The following COL8A1 variants were observed in gnomAD, a reference collection of about 807,000 sequenced individuals.
COL8A1 encodes collagen alpha-1(VIII) chain.
In COL8A1, 21 loss-of-function variants were observed where a neutral mutation model predicts 42.7. The observed-to-expected ratio is 0.49, with a 90% CI of 0.35 to 0.71. The LOEUF (loss-of-function observed/expected upper bound fraction) is 0.71. COL8A1 is among the 30% of genes least tolerant of loss of function. The probability of loss-of-function intolerance (pLI) is 0.01; values close to 1 mark genes in which losing one functional copy is unlikely to be tolerated. For synonymous variants in COL8A1, 367 were observed against 369.1 expected (o/e 0.99, Z 0.06); for missense variants, 788 against 962.4 (o/e 0.82, Z 2.40).
chr3:99,723,463 A>G (rs1940214195), intron 1 of COL8A1, among the ~76,000 whole-genome samples: 1 of 152,148 alleles, frequency 6.6e-6, no homozygotes, highest in Non-Finnish European at 1.5e-5. Context: ...AAACAAAAAC[A>G]AAAACAAAAC....
chr3:99,640,925 C>T (rs1937495481), intron 1 of COL8A1, among the ~76,000 whole-genome samples: 1 of 152,084 alleles, frequency 6.6e-6, no homozygotes. Flanking sequence ...TTGAGGCAGA[C>T]TTGGGAGGAC....
At chr3:99,696,558 C>G (rs1221421605) in intron 1 of COL8A1, among the ~76,000 whole-genome samples, 1 of 152,204 alleles carries the variant, frequency 6.6e-6, no homozygotes, top group East Asian at 1.9e-4. Flanking sequence ...GAGGGAACAT[C>G]CCTCTGAGGG....
intron 2 of COL8A1, among the ~76,000 whole-genome samples, chr3:99,784,782 T>C (rs1426280948): frequency 2.0e-5 from 3 of 152,206 alleles, no homozygotes; most frequent in Admixed American, 2.0e-4. Flanking sequence ...ATGCACCTCA[T>C]GACTACATAG....
intron 1 of COL8A1, among the ~76,000 whole-genome samples, chr3:99,653,632 G>A (rs1291276026): frequency 1.3e-5 from 2 of 151,614 alleles, no homozygotes; most frequent in Non-Finnish European, 2.9e-5. Flanking sequence ...CAGGAAAAAT[G>A]TGGCTGTTCT....
At chr3:99,681,779 T>C (rs1248611197) in intron 1 of COL8A1, among the ~76,000 whole-genome samples, 1 of 152,234 alleles carries the variant, frequency 6.6e-6, no homozygotes, top group Non-Finnish European at 1.5e-5. Flanking sequence ...CTCATGTGTA[T>C]GAAGGGCTTC....
Position 99,795,412 on chromosome 3 carries a change from G to C in COL8A1, c.1511G>C (p.Gly504Ala), listed in dbSNP as rs1302856387. 6.5e-7 allele frequency: 1 copy of C among 1,535,480 alleles called. No individual in the cohort carries two copies. Among genetic ancestry groups the C allele is most frequent in the African/African-American group, 1.4e-5 (1 of 72,122 alleles). The part of the protein sequence containing the change: ...QGPPGIPGIG[G>A]PSGPIGPPGI... ...CCCCCAGGTATCCCAGGGATTGGGG[G>C]CCCTAGTGGCCCCATTGGACCACCT... Residue 504 changes from glycine (G) to alanine (A), a missense_variant, in exon 4 of 4, where the codon GGC becomes GCC. Gly to Ala is a moderately conservative substitution (Grantham distance 60). Around this residue, in one of 4 missense-constraint regions of COL8A1, gnomAD observed 154 missense variants for 182.3 expected, o/e 0.84. Transcript: ENST00000652472.
intron 1 of COL8A1, among the ~76,000 whole-genome samples, chr3:99,702,066 A>C (rs1330258935): frequency 6.6e-6 from 1 of 152,208 alleles, no homozygotes; most frequent in East Asian, 1.9e-4. Context: ...AAAAGGCAAT[A>C]GAAAGACTTC....
At chr3:99,644,243 G>T (rs1267339275) in intron 1 of COL8A1, among the ~76,000 whole-genome samples, 2 of 152,140 alleles carry the variant, frequency 1.3e-5, no homozygotes, top group African/African-American at 4.8e-5. Flanking sequence ...AGGTGTGAAA[G>T]CTTTATAAGT....
chr3:99,743,387 T>C (rs539972288), intron 1 of COL8A1, among the ~76,000 whole-genome samples: 1 of 152,344 alleles, frequency 6.6e-6, no homozygotes, highest in East Asian at 1.9e-4. Context: ...GGTGCTGCTG[T>C]ATCCACCCTT....
intron 2 of COL8A1, among the ~76,000 whole-genome samples, chr3:99,754,698 T>C (rs1941219851): frequency 6.6e-6 from 1 of 152,166 alleles, no homozygotes; most frequent in South Asian, 2.1e-4. Flanking sequence ...GATCACATAT[T>C]TGCCAGTGGA....
intron 1 of COL8A1, among the ~76,000 whole-genome samples, chr3:99,659,020 T>A (rs917133522): frequency 1.3e-5 from 2 of 152,192 alleles, no homozygotes; most frequent in African/African-American, 4.8e-5. Flanking sequence ...TTCTAGGTGA[T>A]TCTTACGCAT....
intron 2 of COL8A1, among the ~76,000 whole-genome samples, chr3:99,780,204 C>T (rs1941769782): frequency 6.6e-6 from 1 of 152,158 alleles, no homozygotes; most frequent in Non-Finnish European, 1.5e-5. Flanking sequence ...TCAACAACCT[C>T]ATAAGACAGA....
chr3:99,693,600 G>A (rs573042060), intron 1 of COL8A1, among the ~76,000 whole-genome samples: 168 of 152,282 alleles, frequency 1.1e-3, no homozygotes, highest in African/African-American at 3.8e-3. Context: ...ATAGTATAAG[G>A]ATACAAAGAA....
At chr3:99,773,969 T>C (rs1219059268) in intron 2 of COL8A1, among the ~76,000 whole-genome samples, 1 of 148,286 alleles carries the variant, frequency 6.7e-6, no homozygotes, top group Admixed American at 6.8e-5. Context: ...CTCAGCTTCC[T>C]GAGTAGCTGG....
chr3:99,741,387 T>A (rs368943022), intron 1 of COL8A1, among the ~76,000 whole-genome samples: 1 of 152,238 alleles, frequency 6.6e-6, no homozygotes, highest in South Asian at 2.1e-4. Context: ...TTTTCCAACT[T>A]TCTGTTGTAA....
intron 2 of COL8A1, among the ~76,000 whole-genome samples, chr3:99,771,984 G>A (rs1187524570): frequency 6.6e-6 from 1 of 152,136 alleles, no homozygotes; most frequent in East Asian, 1.9e-4. Flanking sequence ...TGTCAGTCAT[G>A]AATACCTTCC....
intron 2 of COL8A1, among the ~76,000 whole-genome samples, chr3:99,750,375 T>G (rs1404749163): frequency 6.6e-6 from 1 of 152,134 alleles, no homozygotes; most frequent in African/African-American, 2.4e-5. Context: ...CTAATGTTCA[T>G]GTTTACCTAG....
chr3:99,699,090 C>T (rs1939459287), intron 1 of COL8A1, among the ~76,000 whole-genome samples: 1 of 152,162 alleles, frequency 6.6e-6, no homozygotes, highest in Non-Finnish European at 1.5e-5. Context: ...AAATTCAAAA[C>T]TAAAACTTCC....
intron 2 of COL8A1, among the ~76,000 whole-genome samples, chr3:99,768,302 G>C (rs890645034): frequency 6.6e-6 from 1 of 152,162 alleles, no homozygotes; most frequent in African/African-American, 2.4e-5. Context: ...CTCAAAGTTT[G>C]TAATCTGTTG....
Sources: gnomAD v4.1 joint callset for allele counts (sites outside exome capture counted in the v4.1 genomes callset) on GRCh38, gnomAD v4.1.1 for gene constraint, gnomAD v4.1.1 regional missense constraint, MANE v1.5 for transcripts, NCBI Gene and HGNC (gene_info 2026-07-23, HGNC 2026-07-21) for gene names.